The following CCDC191 variants were observed in gnomAD, a reference collection of about 807,000 sequenced individuals.
CCDC191 encodes coiled-coil domain-containing protein 191.
Under a neutral mutation model 114.0 loss-of-function variants are expected in CCDC191, and 99 were observed. That is an observed-to-expected ratio of 0.87 (90% CI 0.74 to 1.03). The LOEUF (loss-of-function observed/expected upper bound fraction) is 1.03, where lower values mean the gene tolerates loss of function less well. CCDC191 is among the 50% of genes least tolerant of loss of function. The probability of loss-of-function intolerance (pLI) is 0.00; values close to 1 mark genes in which losing one functional copy is unlikely to be tolerated. For missense variants in CCDC191, 973 were observed against 1,087.0 expected (o/e 0.90, Z 1.47); for synonymous variants, 351 against 376.0 (o/e 0.93, Z 0.77).
intron 6 of CCDC191, among the ~76,000 whole-genome samples, chr3:114,033,114 G>A (rs547176115): frequency 6.1e-5 from 9 of 148,450 alleles, no homozygotes; most frequent in Non-Finnish European, 1.0e-4. Flanking sequence ...TTCTGTTTGC[G>A]ATGGAGTCTC....
At position 114,035,090 on chromosome 3, in the gene CCDC191, G is replaced by A. The variant is rs150210060; in HGVS notation, c.653C>T (p.Thr218Ile). ...KELEYQRIEK[T>I]LKKSAFLEAQ... ...CTCCAAGAAGGCCGATTTTTTCAGGGTCTTTTCTATTCTCTGGTACTCCAG... is the reference window on the plus strand; with the variant it reads ...CTCCAAGAAGGCCGATTTTTTCAGGATCTTTTCTATTCTCTGGTACTCCAG... Residue 218 changes from threonine to isoleucine, a missense_variant, in exon 6 of 17, where the codon ACC becomes ATC. By Grantham distance (89) the Thr-to-Ile change is moderately conservative. Coordinates refer to ENST00000295878, the MANE Select transcript of CCDC191 (RefSeq NM_020817.2). 9.3e-3 allele frequency: 15,061 copies of A among 1,613,888 alleles called. 103 individuals are homozygous for A. Among genetic ancestry groups the A allele is most frequent in the Non-Finnish European group, 0.01 (11,871 of 1,179,934 alleles).
chr3:114,010,306 TTATC>T (rs1175518152), intron 9 of CCDC191, among the ~76,000 whole-genome samples: 1 of 152,120 alleles, frequency 6.6e-6, no homozygotes, highest in Non-Finnish European at 1.5e-5. Flanking sequence ...TTATTAGTGA[TTATC>T]TATAGATGAC....
At chr3:114,004,488 C>T (rs2075910332) in intron 11 of CCDC191, 149 bp downstream of exon 11, 3 of 1,417,550 alleles carry the variant, frequency 2.1e-6, no homozygotes, top group Non-Finnish European at 2.8e-6. Flanking sequence ...GTACTCCACT[C>T]CTCACATGTC....
intron 3 of CCDC191, 45 bp downstream of exon 3, chr3:114,046,546 G>T: frequency 8.6e-7 from 1 of 1,166,290 alleles, no homozygotes; most frequent in Non-Finnish European, 1.3e-6. Context: ...CATGGGTTAT[G>T]CTTTAAGAAT....
At chr3:113,991,255 CA>C (rs200395109) in intron 13 of CCDC191, among the ~76,000 whole-genome samples, 20 of 130,870 alleles carry the variant, frequency 1.5e-4, no homozygotes, top group African/African-American at 4.7e-4. Context: ...GAAAAACAAA[CA>C]AACCCCCCCC....
chr3:114,025,280 C>T (rs1577439487), intron 7 of CCDC191, among the ~76,000 whole-genome samples: 1 of 151,266 alleles, frequency 6.6e-6, no homozygotes, highest in Non-Finnish European at 1.5e-5. Flanking sequence ...AAAACAAAAC[C>T]CAAACCCTAT....
chr3:114,003,818 T>C, intron 11 of CCDC191: 1 of 985,360 alleles, frequency 1.0e-6, no homozygotes, highest in Middle Eastern at 5.2e-4. Context: ...TTGTCACAGG[T>C]AAAAAATCAA....
At chr3:114,028,012 G>A (rs2076349154) in intron 7 of CCDC191, among the ~76,000 whole-genome samples, 1 of 152,174 alleles carries the variant, frequency 6.6e-6, no homozygotes, top group Non-Finnish European at 1.5e-5. Flanking sequence ...GTCTATGTAA[G>A]AGCCCGAGGA....
At chr3:114,017,797 G>A (rs540270066) in intron 8 of CCDC191, among the ~76,000 whole-genome samples, 1 of 152,204 alleles carries the variant, frequency 6.6e-6, no homozygotes, top group South Asian at 2.1e-4. Flanking sequence ...AACCACCATG[G>A]CATACGTATA....
At chr3:114,013,467 A>G (rs1394632989) in intron 8 of CCDC191, among the ~76,000 whole-genome samples, 1 of 152,164 alleles carries the variant, frequency 6.6e-6, no homozygotes, top group Non-Finnish European at 1.5e-5. Flanking sequence ...AAATATTTCT[A>G]AAAGCGAAAA....
intron 9 of CCDC191, among the ~76,000 whole-genome samples, chr3:114,010,150 A>G (rs904876974): frequency 2.0e-5 from 3 of 152,144 alleles, no homozygotes. Flanking sequence ...AGTATTAAGA[A>G]GGAAAAAAAA....
intron 13 of CCDC191, among the ~76,000 whole-genome samples, chr3:113,987,420 A>G (rs2075399623): frequency 1.3e-5 from 2 of 152,344 alleles, no homozygotes; most frequent in East Asian, 1.9e-4. Flanking sequence ...TGTTCAAACA[A>G]TAAGTTTAAC....
rs965643534 is a variant in CCDC191 at position 114,035,132 on chromosome 3, A to C, written c.611T>G (p.Leu204Ter). The C allele has an allele frequency of 3.7e-6, 6 of 1,612,852 alleles. No individual in the cohort carries two copies. In the Admixed American group the frequency reaches 5.0e-5, roughly 13 times the overall value. Residue 204 changes from leucine to a stop codon, truncating the protein, a stop_gained, in exon 6 of 17, where the codon TTA (leucine) becomes TGA (stop). Transcript: ENST00000295878. LOFTEE classifies it high-confidence loss of function. ...MRHKQVKENR[L>*]RREKELEYQR... is the part of the protein sequence containing the mutation. ...GTACTCCAGTTCTTTCTCACGTCTT[A>C]AGCGATTTTCTTTTACCTTAAAGCA...
At chr3:114,025,421 G>A (rs3796249) in intron 7 of CCDC191, among the ~76,000 whole-genome samples, 17,300 of 151,964 alleles carry the variant, frequency 0.11, 1,198 homozygotes, top group Admixed American at 0.19. Context: ...CACAGATACC[G>A]CATATTGTAT....
chr3:114,032,594 T>C (rs1320647575), intron 6 of CCDC191, among the ~76,000 whole-genome samples: 1 of 152,222 alleles, frequency 6.6e-6, no homozygotes, highest in Non-Finnish European at 1.5e-5. Context: ...CTGATCTTTC[T>C]TGAACTTTTA....
intron 16 of CCDC191, among the ~76,000 whole-genome samples, chr3:113,972,815 T>C (rs1271047322): frequency 1.3e-5 from 2 of 152,156 alleles, no homozygotes; most frequent in Non-Finnish European, 2.9e-5. Context: ...TAATGACCTT[T>C]CTTTATTTCT....
intron 16 of CCDC191, 53 bp from the exon 17 acceptor site, chr3:113,965,412 C>T (rs1370868612): frequency 9.8e-7 from 1 of 1,024,064 alleles, no homozygotes; most frequent in Non-Finnish European, 1.4e-6. Context: ...GTTGGCTTTC[C>T]ATCTATAGCA....
At chr3:114,004,190 C>T in intron 11 of CCDC191, 1 of 967,518 alleles carries the variant, frequency 1.0e-6, no homozygotes, top group Non-Finnish European at 1.2e-6. Context: ...AAAATCCTAT[C>T]AACAAGTTAT....
intron 8 of CCDC191, among the ~76,000 whole-genome samples, chr3:114,014,450 C>T (rs60063093): frequency 0.11 from 17,135 of 151,928 alleles, 1,174 homozygotes; most frequent in Admixed American, 0.19. Context: ...AGGCACACTC[C>T]GTAAATGATT....
Sources: gnomAD v4.1 joint callset for allele counts (sites outside exome capture counted in the v4.1 genomes callset) on GRCh38, gnomAD v4.1.1 for gene constraint, MANE v1.5 for transcripts, NCBI Gene and HGNC (gene_info 2026-07-23, HGNC 2026-07-21) for gene names.